Variants in STAG1 observed in about 807,000 individuals in gnomAD.
STAG1 encodes cohesin subunit SA-1.
Under a neutral mutation model 170.9 loss-of-function variants are expected in STAG1, and 26 were observed. The ratio of observed to expected loss-of-function variants is 0.15; its 90% confidence interval spans 0.11 to 0.21. STAG1 has a LOEUF of 0.21. STAG1 is among the 10% of genes least tolerant of loss of function. STAG1 has a pLI of 1.00. For missense variants in STAG1, 964 were observed against 1,509.5 expected (o/e 0.64, Z 5.99); for synonymous variants, 514 against 497.7 (o/e 1.03, Z -0.44).
chr3:136,630,821 C>T, intron 2 of STAG1, 49 bp downstream of exon 2: 1 of 1,330,246 alleles, frequency 7.5e-7, no homozygotes, highest in Non-Finnish European at 1.0e-6. Flanking sequence ...AATAAGTTGT[C>T]CAAAATTTTC....
At chr3:136,637,725 T>C (rs1331657877) in intron 1 of STAG1, among the ~76,000 whole-genome samples, 1 of 152,126 alleles carries the variant, frequency 6.6e-6, no homozygotes, top group African/African-American at 2.4e-5. Flanking sequence ...ACAGTTATTG[T>C]GGTAAGTGAC....
intron 1 of STAG1, among the ~76,000 whole-genome samples, chr3:136,670,915 GT>G (rs1209313414): frequency 6.6e-5 from 10 of 152,058 alleles, no homozygotes; most frequent in Non-Finnish European, 4.4e-5. Flanking sequence ...TTTTCTTTTT[GT>G]TTTGCATCTG....
chr3:136,733,854 T>TCCCAG (rs2107942818), intron 1 of STAG1, among the ~76,000 whole-genome samples: 1 of 152,256 alleles, frequency 6.6e-6, no homozygotes, highest in South Asian at 2.1e-4. Context: ...ACGCCTGTAA[T>TCCCAG]CCCAGCGCTT....
intron 1 of STAG1, among the ~76,000 whole-genome samples, chr3:136,709,630 G>A (rs761517251): frequency 7.3e-5 from 11 of 150,518 alleles, no homozygotes; most frequent in Non-Finnish European, 1.5e-4. Context: ...GGCTACTAGG[G>A]AGACTGAGGT....
intron 1 of STAG1, among the ~76,000 whole-genome samples, chr3:136,631,880 G>A (rs566027632): frequency 2.6e-5 from 4 of 152,196 alleles, no homozygotes; most frequent in Non-Finnish European, 4.4e-5. Flanking sequence ...GAGATATAAT[G>A]GGGAAGAATG....
chr3:136,650,242 A>G (rs1326171831), intron 1 of STAG1, among the ~76,000 whole-genome samples: 1 of 151,840 alleles, frequency 6.6e-6, no homozygotes, highest in African/African-American at 2.4e-5. Context: ...TCAAGAAAAA[A>G]AAAAAAAAGA....
intron 22 of STAG1, among the ~76,000 whole-genome samples, chr3:136,379,280 T>C (rs1384792373): frequency 1.3e-5 from 2 of 152,134 alleles, no homozygotes; most frequent in African/African-American, 2.4e-5. Context: ...GGGCCCCATG[T>C]TGGAAAATCT....
chr3:136,643,012 G>C (rs571890758), intron 1 of STAG1, among the ~76,000 whole-genome samples: 1 of 152,172 alleles, frequency 6.6e-6, no homozygotes, highest in East Asian at 1.9e-4. Flanking sequence ...AAGGACACCA[G>C]TCATATTGGA....
chr3:136,567,578 C>T (rs1327465547), intron 5 of STAG1, among the ~76,000 whole-genome samples: 3 of 152,194 alleles, frequency 2.0e-5, no homozygotes, highest in Non-Finnish European at 4.4e-5. Flanking sequence ...ACAGCCTGGG[C>T]TGCATCAGCA....
chr3:136,413,089 C>A lies in STAG1; in HGVS notation c.2196+4796G>T, dbSNP rs1196418671. Reference sequence around the variant, plus strand: ...ATGTAGGCCAGGCTGGTCTCGAACTCCTGACCTCAAGTGATCTACCCACCT... The same window carrying A: ...ATGTAGGCCAGGCTGGTCTCGAACTACTGACCTCAAGTGATCTACCCACCT... On this transcript the variant is annotated intron_variant, in intron 21 of 33. Transcript: ENST00000383202. 4.0e-5 allele frequency among the ~76,000 whole-genome samples: 6 copies of A among 150,926 alleles called. No individual in the cohort carries two copies. The East Asian group carries it at 1.2e-3, about 30-fold the overall frequency.
intron 24 of STAG1, 128 bp from the exon 25 acceptor site, chr3:136,367,210 T>C: frequency 1.3e-6 from 1 of 755,586 alleles, no homozygotes. Flanking sequence ...CAGTTTTAGA[T>C]GGGACAAAAA....
chr3:136,648,271 G>A (rs1275686873), intron 1 of STAG1, among the ~76,000 whole-genome samples: 2 of 152,162 alleles, frequency 1.3e-5, no homozygotes, highest in Non-Finnish European at 2.9e-5. Context: ...CTGGGTTTGG[G>A]GAGTATTCCC....
chr3:136,715,039 A>C, intron 1 of STAG1, among the ~76,000 whole-genome samples: 1 of 135,820 alleles, frequency 7.4e-6, no homozygotes, highest in Admixed American at 7.8e-5. Context: ...AATAAAAGTC[A>C]AGATAATTGT....
At chr3:136,392,375 A>G (rs948773000) in intron 22 of STAG1, among the ~76,000 whole-genome samples, 2 of 152,204 alleles carry the variant, frequency 1.3e-5, no homozygotes, top group African/African-American at 4.8e-5. Flanking sequence ...ACTTTTCTTA[A>G]TAACTGAAGA....
intron 20 of STAG1, among the ~76,000 whole-genome samples, chr3:136,419,726 G>A (rs544519712): frequency 6.7e-6 from 1 of 150,230 alleles, no homozygotes; most frequent in East Asian, 2.0e-4. Context: ...ACCTCCCAAA[G>A]TGCTGAGATT....
At chr3:136,687,143 T>C (rs1357314321) in intron 1 of STAG1, among the ~76,000 whole-genome samples, 2 of 152,240 alleles carry the variant, frequency 1.3e-5, no homozygotes, top group Non-Finnish European at 2.9e-5. Flanking sequence ...TGGTATTTTT[T>C]CTTTAATTGA....
intron 21 of STAG1, among the ~76,000 whole-genome samples, chr3:136,412,847 T>C (rs1008564255): frequency 1.3e-5 from 2 of 150,802 alleles, no homozygotes; most frequent in Non-Finnish European, 3.0e-5. Context: ...AAGGTTGGGG[T>C]GGTTGTGACA....
At chr3:136,720,579 C>G (rs1222560107) in intron 1 of STAG1, among the ~76,000 whole-genome samples, 3 of 152,140 alleles carry the variant, frequency 2.0e-5, no homozygotes, top group African/African-American at 7.2e-5. Context: ...CACCTGAGGT[C>G]AGGAGTTCAA....
intron 14 of STAG1, among the ~76,000 whole-genome samples, chr3:136,447,066 A>G (rs956477919): frequency 6.6e-6 from 1 of 151,862 alleles, no homozygotes; most frequent in Non-Finnish European, 1.5e-5. Flanking sequence ...GGCCTCCCAA[A>G]GTGTTGGGAT....
Sources: gnomAD v4.1 joint callset for allele counts (sites outside exome capture counted in the v4.1 genomes callset) on GRCh38, gnomAD v4.1.1 for gene constraint, MANE v1.5 for transcripts, NCBI Gene and HGNC (gene_info 2026-07-23, HGNC 2026-07-21) for gene names.